Variants in RERG observed in about 807,000 individuals in gnomAD.
RERG encodes ras-related and estrogen-regulated growth inhibitor.
A neutral mutation model predicts 23.2 loss-of-function variants in RERG; 25 were observed. The ratio of observed to expected loss-of-function variants is 1.08; its 90% CI spans 0.79 to 1.50. The LOEUF (loss-of-function observed/expected upper bound fraction) is 1.50. Ranked by LOEUF, RERG falls within the 40% of genes most tolerant of loss-of-function variation. The pLI, the probability that RERG is intolerant of heterozygous loss-of-function variation, is 0.00. For missense variants in RERG, 253 were observed against 250.1 expected, an observed-to-expected ratio of 1.01 and a Z score of -0.08; for synonymous variants, 81 against 89.1, an observed-to-expected ratio of 0.91 and a Z score of 0.51.
At chr12:15,161,190 G>GA (rs1213591931) in intron 2 of RERG, among the ~76,000 whole-genome samples, 36 of 145,442 alleles carry the variant, frequency 2.5e-4, no homozygotes, top group Non-Finnish European at 3.9e-4. Context: ...AAGAAAGAAA[G>GA]AAAGAAAGAA....
At chr12:15,217,254 C>T (rs954834834) in intron 2 of RERG, 175 bp downstream of exon 2, 10 of 575,188 alleles carry the variant, frequency 1.7e-5, no homozygotes, top group Admixed American at 9.7e-5. Flanking sequence ...CAAAAGGATA[C>T]GTAACAGTCG....
intron 2 of RERG, among the ~76,000 whole-genome samples, chr12:15,139,712 T>G (rs1404386293): frequency 6.6e-6 from 1 of 152,192 alleles, no homozygotes. Context: ...AGGGGTTTTG[T>G]GCAAATTTGG....
At chr12:15,212,789 A>G (rs1219349246) in intron 2 of RERG, among the ~76,000 whole-genome samples, 8 of 152,212 alleles carry the variant, frequency 5.3e-5, no homozygotes, top group Admixed American at 5.2e-4. Flanking sequence ...AGCCTGAAGT[A>G]TACATATATT....
At chr12:15,193,246 C>T (rs1174895892) in intron 2 of RERG, among the ~76,000 whole-genome samples, 1 of 152,060 alleles carries the variant, frequency 6.6e-6, no homozygotes, top group East Asian at 1.9e-4. Context: ...TTATTTGTTT[C>T]GGTATGGCCT....
chr12:15,156,801 C>G (rs897012246), intron 2 of RERG, among the ~76,000 whole-genome samples: 2 of 152,130 alleles, frequency 1.3e-5, no homozygotes, highest in Non-Finnish European at 2.9e-5. Flanking sequence ...TGAAGTCAGG[C>G]GCATTTTCGT....
intron 2 of RERG, among the ~76,000 whole-genome samples, chr12:15,149,459 G>A (rs1481713638): frequency 6.6e-6 from 1 of 152,158 alleles, no homozygotes; most frequent in African/African-American, 2.4e-5. Flanking sequence ...GGAGGTGGAT[G>A]ATACATGAAA....
At chr12:15,172,350 A>T (rs973122761) in intron 2 of RERG, among the ~76,000 whole-genome samples, 1 of 152,102 alleles carries the variant, frequency 6.6e-6, no homozygotes, top group Non-Finnish European at 1.5e-5. Flanking sequence ...CATTATATGA[A>T]TATGCTATTT....
At chr12:15,156,834 AC>A (rs746313256) in intron 2 of RERG, among the ~76,000 whole-genome samples, 3 of 152,192 alleles carry the variant, frequency 2.0e-5, no homozygotes, top group Non-Finnish European at 4.4e-5. Context: ...CCTACTACTC[AC>A]ATTTGACAAG....
chr12:15,166,880 T>G (rs1864702799), intron 2 of RERG, among the ~76,000 whole-genome samples: 1 of 152,114 alleles, frequency 6.6e-6, no homozygotes. Flanking sequence ...CTTTAAGTTT[T>G]AGGGTACATG....
chr12:15,191,600 C>T lies in RERG; in HGVS notation c.61+25829G>A, dbSNP rs570815325. Among the ~76,000 whole-genome samples, 6 of 152,256 alleles carry T rather than the reference C, an allele frequency of 3.9e-5. No individual in the cohort carries two copies. The East Asian group carries it at 7.7e-4, about 20-fold the overall frequency. ...TCCAGCTTCATCTCTCTCCAGCCTCCCCTTGAACTCCATGATCCAGCCAAG... is the reference window on the plus strand; with the variant it reads ...TCCAGCTTCATCTCTCTCCAGCCTCTCCTTGAACTCCATGATCCAGCCAAG... On this transcript the variant is annotated intron_variant, in intron 2 of 4. Coordinates refer to ENST00000256953, the MANE Select transcript of RERG (RefSeq NM_032918.3).
rs900568105 is a variant in RERG, at chr12:15,130,445, C to T, written c.62-9326G>A. Among the ~76,000 whole-genome samples the T allele has an allele frequency of 7.2e-5, 11 of 152,098 alleles. 1 individual carries two copies. Among genetic ancestry groups the T allele is most frequent in the Admixed American group, 3.9e-4 (6 of 15,278 alleles). ...AAACTAAAAAAGTTAACAGATGAAG[C>T]CAGGGGACAAATATCTCTTCATATA... On this transcript the variant is annotated intron_variant, in intron 2 of 4. Transcript: ENST00000256953.
chr12:15,220,415 G>A (rs1196647415), intron 1 of RERG, among the ~76,000 whole-genome samples: 4 of 152,080 alleles, frequency 2.6e-5, no homozygotes, highest in Admixed American at 6.6e-5. Flanking sequence ...TATTAGTGAT[G>A]CATTCATTGA....
intron 2 of RERG, among the ~76,000 whole-genome samples, chr12:15,140,059 TTCTG>T (rs1864210627): frequency 6.6e-6 from 1 of 152,180 alleles, no homozygotes; most frequent in Admixed American, 6.6e-5. Context: ...CTAATGGAAC[TTCTG>T]TCTGCTTTCT....
intron 2 of RERG, among the ~76,000 whole-genome samples, chr12:15,212,645 T>C (rs958047193): frequency 4.6e-5 from 7 of 152,176 alleles, no homozygotes; most frequent in South Asian, 2.1e-4. Flanking sequence ...AATTGGTATA[T>C]AGCTACTTAA....
intron 2 of RERG, among the ~76,000 whole-genome samples, chr12:15,187,687 T>C (rs1000275517): frequency 1.3e-5 from 2 of 151,592 alleles, no homozygotes; most frequent in African/African-American, 4.9e-5. Context: ...GCCTCCCGAG[T>C]AGCTGGAATT....
intron 3 of RERG, among the ~76,000 whole-genome samples, chr12:15,118,063 C>T (rs1379673123): frequency 2.0e-5 from 3 of 152,048 alleles, no homozygotes; most frequent in Non-Finnish European, 4.4e-5. Flanking sequence ...TACATTGTAT[C>T]CTTCGAAACA....
intron 2 of RERG, among the ~76,000 whole-genome samples, chr12:15,149,366 G>A (rs1354514561): frequency 6.6e-6 from 1 of 151,980 alleles, no homozygotes; most frequent in Non-Finnish European, 1.5e-5. Flanking sequence ...ATAGTAAAAT[G>A]TATCTTTATA....
chr12:15,161,186 G>GAAAGA (rs1864604715), intron 2 of RERG, among the ~76,000 whole-genome samples: 2 of 146,686 alleles, frequency 1.4e-5, no homozygotes, highest in Non-Finnish European at 3.0e-5. Context: ...AAGAAAGAAA[G>GAAAGA]AAAGAAAGAA....
intron 3 of RERG, among the ~76,000 whole-genome samples, chr12:15,117,270 AACCACAACTGGACATGTAATTTT>A (rs1393857154): frequency 5.3e-5 from 8 of 151,934 alleles, no homozygotes; most frequent in African/African-American, 1.7e-4. Flanking sequence ...CTCCTAGTCT[AACCACAACTGGACATGTAATTTT>A]GATTAAATTT....
Sources: gnomAD v4.1 joint callset for allele counts (sites outside exome capture counted in the v4.1 genomes callset) on GRCh38, gnomAD v4.1.1 for gene constraint, MANE v1.5 for transcripts, NCBI Gene and HGNC (gene_info 2026-07-23, HGNC 2026-07-21) for gene names.